The following GINS1 variants were observed in gnomAD, a reference collection of about 807,000 sequenced individuals.
The protein encoded by GINS1 is GINS complex subunit 1.
GINS1 carries 26 observed loss-of-function variants against 34.9 expected under a neutral mutation model. That is an observed-to-expected ratio of 0.74 (90% CI 0.55 to 1.03). The LOEUF (loss-of-function observed/expected upper bound fraction) is 1.03. Among genes scored for constraint, GINS1 ranks in the 50% least tolerant of loss-of-function variants. The probability of loss-of-function intolerance (pLI) is 0.00; values close to 1 mark genes in which losing one functional copy is unlikely to be tolerated. For synonymous variants in GINS1, 97 were observed against 84.4 expected (o/e 1.15, Z -0.82); for missense variants, 235 against 237.9 (o/e 0.99, Z 0.08).
intron 5 of GINS1, among the ~76,000 whole-genome samples, chr20:25,430,749 C>T (rs2090422597): frequency 1.3e-5 from 2 of 151,958 alleles, no homozygotes; most frequent in African/African-American, 4.8e-5. Flanking sequence ...AGGCTGGTCT[C>T]GAACTCCCGA....
intron 4 of GINS1, among the ~76,000 whole-genome samples, chr20:25,420,323 G>A (rs541865154): frequency 6.0e-5 from 9 of 151,158 alleles, no homozygotes; most frequent in Admixed American, 4.6e-4. Context: ...TAGTAGAGAC[G>A]GGGTTTCACT....
chr20:25,420,966 C>A (rs921073272), intron 4 of GINS1: 1 of 984,194 alleles, frequency 1.0e-6, no homozygotes, highest in Non-Finnish European at 1.2e-6. Context: ...CCATTTTGGA[C>A]CAGTAACAAA....
chr20:25,445,273 C>A (rs1361725054), intron 6 of GINS1, among the ~76,000 whole-genome samples: 1 of 152,138 alleles, frequency 6.6e-6, no homozygotes, highest in East Asian at 1.9e-4. Flanking sequence ...CGGCTCACCC[C>A]CAGGTTCAAG....
At chr20:25,437,981 T>G (rs2090462791) in intron 5 of GINS1, among the ~76,000 whole-genome samples, 1 of 151,980 alleles carries the variant, frequency 6.6e-6, no homozygotes, top group Non-Finnish European at 1.5e-5. Flanking sequence ...TAGCCAGGCG[T>G]GGTGGCGGGC....
At chr20:25,426,023 C>T (rs1330986092) in intron 5 of GINS1, among the ~76,000 whole-genome samples, 1 of 152,074 alleles carries the variant, frequency 6.6e-6, no homozygotes, top group African/African-American at 2.4e-5. Flanking sequence ...AATAACTTCT[C>T]AATACCCCTG....
intron 1 of GINS1, chr20:25,409,107 A>G (rs2090267067): frequency 1.2e-6 from 1 of 856,464 alleles, no homozygotes; most frequent in African/African-American, 1.8e-5. Flanking sequence ...ATGCTGCAGC[A>G]CAAAGTCACG....
rs34107871 is a variant in GINS1, at chr20:25,438,119, CAAAAAA to C, written c.448-3570_448-3565del. 2.5e-4 allele frequency among the ~76,000 whole-genome samples: 25 copies of C among 98,276 alleles called. No homozygotes were observed. In the East Asian group the frequency reaches 5.7e-3, roughly 22 times the overall value. The allele number at this position is 98,276 out of a possible 152,430, so 64.5% of individuals were successfully genotyped here. On this transcript the variant is annotated intron_variant, in intron 5 of 6. Coordinates refer to ENST00000262460, the MANE Select transcript of GINS1 (RefSeq NM_021067.5). Reference sequence around the variant, plus strand: ...GGGCAACAAGAGCAAAACTCCGTCTCAAAAAAAAAAAAAAAAAAGTATTGATTAGCT... The same window carrying C: ...GGGCAACAAGAGCAAAACTCCGTCTCAAAAAAAAAAAAGTATTGATTAGCT...
chr20:25,418,509 C>CT (rs1231938751), intron 4 of GINS1, among the ~76,000 whole-genome samples: 4 of 152,170 alleles, frequency 2.6e-5, no homozygotes. Flanking sequence ...TGTATATATA[C>CT]TTTCCTAATC....
At chr20:25,423,357 G>A (rs972058572) in intron 4 of GINS1, among the ~76,000 whole-genome samples, 2 of 149,164 alleles carry the variant, frequency 1.3e-5, no homozygotes, top group Non-Finnish European at 1.5e-5. Context: ...CAAGAGATAT[G>A]CCCACCTTGG....
At chr20:25,436,848 A>T (rs1480710799) in intron 5 of GINS1, among the ~76,000 whole-genome samples, 1 of 151,956 alleles carries the variant, frequency 6.6e-6, no homozygotes, top group African/African-American at 2.4e-5. Context: ...CCATACTTTT[A>T]TGTTTCTTTG....
chr20:25,423,906 G>A (rs1034546253), intron 4 of GINS1, among the ~76,000 whole-genome samples: 1 of 152,060 alleles, frequency 6.6e-6, no homozygotes, highest in Non-Finnish European at 1.5e-5. Flanking sequence ...GAGCCACCGT[G>A]CCCGGCCTTT....
intron 2 of GINS1, among the ~76,000 whole-genome samples, chr20:25,415,379 A>AT (rs1205283471): frequency 6.6e-6 from 1 of 152,192 alleles, no homozygotes; most frequent in Non-Finnish European, 1.5e-5. Flanking sequence ...TTCAGTGGTA[A>AT]ACAACAGTCA....
chr20:25,418,120 T>C lies in GINS1; in HGVS notation c.255T>C (p.Leu85=), dbSNP rs745902910. Residue 85 remains leucine, a synonymous_variant, in exon 4 of 7, where the codon CTT becomes CTC. Transcript: ENST00000262460. ...GATGTCCTAGGTATGACCGCTTGCT[T>C]CGGATCAGAGCACTCAGATGGGAAT... is the stretch of plus-strand genomic sequence containing the variant. ...CTVAYLYDRL[L]RIRALRWEYG... is the part of the protein sequence containing the mutation. 3.7e-5 allele frequency: 59 copies of C among 1,596,994 alleles called. No homozygotes were observed. The highest frequency in any genetic ancestry group is 1.7e-4 in the Admixed American group (10 of 59,976).
At chr20:25,417,247 G>T in intron 3 of GINS1, 45 bp downstream of exon 3, 1 of 889,798 alleles carries the variant, frequency 1.1e-6, no homozygotes, top group East Asian at 2.5e-5. Flanking sequence ...TTTTCTGTGT[G>T]GCTTCCCAGT....
At position 25,446,014 on chromosome 20, in the gene GINS1, G is replaced by A. The variant is rs762947884; in HGVS notation, c.*23G>A. The A allele has an allele frequency of 4.0e-6, 6 of 1,484,580 alleles. No homozygotes were observed. Among genetic ancestry groups the A allele is most frequent in the Middle Eastern group, 1.7e-4 (1 of 5,800 alleles). The allele number at this position is 1,484,580 out of a possible 1,614,324, so 92.0% of individuals were successfully genotyped here. On this transcript the variant is annotated 3_prime_UTR_variant, in exon 7 of 7. Transcript: ENST00000262460. The stretch of plus-strand genomic sequence containing the variant: ...TGACCATGCGCCGAGGCACTTCCAG[G>A]CTTCACTCAACTCATGGACTCCTCT...
intron 5 of GINS1, among the ~76,000 whole-genome samples, chr20:25,435,439 C>T (rs1051170651): frequency 1.3e-5 from 2 of 152,162 alleles, no homozygotes; most frequent in Admixed American, 6.5e-5. Context: ...GGACTAGTGG[C>T]GCATACCTCC....
At chr20:25,416,676 A>G (rs1045975842) in intron 2 of GINS1, among the ~76,000 whole-genome samples, 10 of 152,230 alleles carry the variant, frequency 6.6e-5, no homozygotes, top group Admixed American at 1.3e-4. Context: ...TCACTTTGTT[A>G]TAATGAGGAT....
chr20:25,441,711 C>G lies in GINS1; in HGVS notation c.457C>G (p.Leu153Val), dbSNP rs750783029. The G allele has an allele frequency of 6.4e-6, 10 of 1,551,122 alleles. No individual in the cohort carries two copies. The highest frequency in any genetic ancestry group is 7.1e-6 in the Non-Finnish European group (8 of 1,134,002). Residue 153 changes from leucine (L) to valine (V), a missense_variant, in exon 6 of 7, where the codon CTA (leucine) becomes GTA (valine). Leu to Val is a conservative substitution (Grantham distance 32, BLOSUM62 1). Transcript: ENST00000262460. ...PKSLYIEVRC[L>V]KDYGEFEVDD... ...TCATTTTTTCTTTCAGGTCCGGTGT[C>G]TAAAAGACTATGGAGAATTTGAAGT... is the stretch of plus-strand genomic sequence containing the variant.
At chr20:25,421,530 T>C (rs141919379) in intron 4 of GINS1, among the ~76,000 whole-genome samples, 71 of 152,322 alleles carry the variant, frequency 4.7e-4, no homozygotes, top group African/African-American at 1.6e-3. Flanking sequence ...ATAACATCTT[T>C]TGTTTTCAAA....
Sources: allele counts gnomAD v4.1 joint callset (sites outside exome capture counted in the v4.1 genomes callset), GRCh38; gene constraint gnomAD v4.1.1; transcripts MANE v1.5; gene names NCBI Gene and HGNC (gene_info 2026-07-23, HGNC 2026-07-21).